EPHB1: variants seen among roughly 807,000 people sequenced by gnomAD.
The protein encoded by EPHB1 is EPH receptor B1.
EPHB1 carries 30 observed loss-of-function variants against 94.4 expected under a neutral mutation model. The observed-to-expected ratio is 0.32, with a 90% CI of 0.24 to 0.43. The LOEUF is 0.43. EPHB1 is among the 20% of genes least tolerant of loss of function. The probability of loss-of-function intolerance (pLI) is 1.00; values close to 1 mark genes in which losing one functional copy is unlikely to be tolerated. For missense variants in EPHB1, 1,055 were observed against 1,308.3 expected, an observed-to-expected ratio of 0.81 and a Z score of 2.99; for synonymous variants, 522 against 489.1, an observed-to-expected ratio of 1.07 and a Z score of -0.89.
intron 12 of EPHB1, among the ~76,000 whole-genome samples, chr3:135,212,750 C>T (rs2107716723): frequency 6.6e-6 from 1 of 152,206 alleles, no homozygotes; most frequent in East Asian, 1.9e-4. Context: ...ACTATGGCTG[C>T]CCTTAGGGAA....
chr3:135,245,643 T>C (rs1361855656), intron 13 of EPHB1, among the ~76,000 whole-genome samples: 1 of 150,946 alleles, frequency 6.6e-6, no homozygotes, highest in Non-Finnish European at 1.5e-5. Flanking sequence ...CTGTCTCTAC[T>C]AAAAATACAA....
At chr3:135,178,409 TCACAC>T (rs200798556) in intron 9 of EPHB1, among the ~76,000 whole-genome samples, 2,311 of 135,914 alleles carry the variant, frequency 0.017, 25 homozygotes, top group Middle Eastern at 0.049. Flanking sequence ...TGAGCCGAGA[TCACAC>T]CACACCACTG....
chr3:134,815,577 G>T (rs888675166), intron 1 of EPHB1, among the ~76,000 whole-genome samples: 1 of 152,098 alleles, frequency 6.6e-6, no homozygotes, highest in African/African-American at 2.4e-5. Context: ...TTGTGTGATT[G>T]CTATTTCTTT....
chr3:135,086,962 A>G (rs1393236695), intron 3 of EPHB1, among the ~76,000 whole-genome samples: 1 of 152,210 alleles, frequency 6.6e-6, no homozygotes, highest in African/African-American at 2.4e-5. Flanking sequence ...TTGCTTATGT[A>G]AGTCACTCAA....
chr3:135,113,116 A>G lies in EPHB1; in HGVS notation c.961+6513A>G, dbSNP rs940640. Among the ~76,000 whole-genome samples the G allele has an allele frequency of 3.5e-3, 533 of 152,328 alleles. 5 individuals are homozygous for G. The highest frequency in any genetic ancestry group is 0.012 in the African/African-American group (506 of 41,576). On this transcript the variant is annotated intron_variant, in intron 4 of 15. Transcript: ENST00000398015. ...AACTTCAGACAAAGGTCAAAGATCA[A>G]TAAGAGTCAGAGGGCAGGCCTAGAT... is the stretch of plus-strand genomic sequence containing the variant.
chr3:135,024,573 C>G (rs1936083783), intron 3 of EPHB1, among the ~76,000 whole-genome samples: 1 of 152,192 alleles, frequency 6.6e-6, no homozygotes, highest in Admixed American at 6.5e-5. Context: ...TGGTCTCCAT[C>G]CATCCTACAC....
chr3:135,203,362 A>G (rs1183394462), intron 12 of EPHB1, among the ~76,000 whole-genome samples: 1 of 152,210 alleles, frequency 6.6e-6, no homozygotes, highest in South Asian at 2.1e-4. Context: ...ATGTATACCT[A>G]TGAAACAAAC....
Position 134,795,374 on chromosome 3 carries a change from A to T in EPHB1, c.-258A>T. Reference sequence around the variant, plus strand: ...CGTTCTCCCTCGCCCTCTCTCTCTCACACACGCACGCACACACCCACCTCT... The same window carrying T: ...CGTTCTCCCTCGCCCTCTCTCTCTCTCACACGCACGCACACACCCACCTCT... On this transcript the variant is annotated 5_prime_UTR_variant, in exon 1 of 16. Transcript: ENST00000398015. 2.0e-6 allele frequency: 1 copy of T among 509,068 alleles called. No homozygotes were observed. Among genetic ancestry groups the T allele is most frequent in the Non-Finnish European group, 3.4e-6 (1 of 291,348 alleles). 31.5% of individuals were successfully genotyped at this position (509,068 alleles called of 1,614,324 possible). A position where few individuals can be genotyped will look rare whatever the true frequency, so the allele number is the denominator to read the frequency against.
At position 135,078,381 on chromosome 3, in the gene EPHB1, C is replaced by T. The variant is rs546273106; in HGVS notation, c.806-28067C>T. Among the ~76,000 whole-genome samples, 3 of 152,308 alleles carry T rather than the reference C, an allele frequency of 2.0e-5. No individual in the cohort carries two copies. In the East Asian group the frequency reaches 5.8e-4, roughly 29 times the overall value. ...GAGAGGAACCATGCTGGGCAGGGCA[C>T]CCCAAGCCCAAACCCCAGCCCCAGA... On this transcript the variant is annotated intron_variant, in intron 3 of 15. Transcript: ENST00000398015.
chr3:135,118,777 G>A lies in EPHB1; in HGVS notation c.961+12174G>A, dbSNP rs1939817971. On this transcript the variant is annotated intron_variant, in intron 4 of 15. Transcript: ENST00000398015. Reference sequence around the variant, plus strand: ...GAAGAGAACAGAATTGCACAGGGAGGCCCTAGCAACCCCTACCGAGTATAC... The same window carrying A: ...GAAGAGAACAGAATTGCACAGGGAGACCCTAGCAACCCCTACCGAGTATAC... Among the ~76,000 whole-genome samples the A allele has an allele frequency of 4.6e-5, 7 of 152,172 alleles. No individual in the cohort carries two copies. In the South Asian group the frequency reaches 1.5e-3, roughly 32 times the overall value.
At chr3:134,997,030 T>C (rs1485866108) in intron 3 of EPHB1, among the ~76,000 whole-genome samples, 1 of 152,208 alleles carries the variant, frequency 6.6e-6, no homozygotes. Flanking sequence ...AATGGTCATC[T>C]GTGTTTTATC....
chr3:135,257,739 A>G (rs1364342098), intron 15 of EPHB1, among the ~76,000 whole-genome samples: 2 of 137,426 alleles, frequency 1.5e-5, no homozygotes, highest in Non-Finnish European at 3.2e-5. Context: ...GCTGGGCTCC[A>G]CCCAGTTCGA....
chr3:135,239,348 G>A (rs764950272), intron 12 of EPHB1, among the ~76,000 whole-genome samples: 5 of 151,706 alleles, frequency 3.3e-5, no homozygotes, highest in Non-Finnish European at 7.4e-5. Flanking sequence ...TTTTGCTAAC[G>A]TCAACCATGT....
chr3:134,828,372 G>GA (rs1190113908), intron 1 of EPHB1, among the ~76,000 whole-genome samples: 5 of 152,268 alleles, frequency 3.3e-5, no homozygotes, highest in Admixed American at 2.0e-4. Flanking sequence ...AGTGGGATGA[G>GA]AAAAAATGGA....
At chr3:135,112,751 G>C (rs1306276894) in intron 4 of EPHB1, among the ~76,000 whole-genome samples, 2 of 151,834 alleles carry the variant, frequency 1.3e-5, no homozygotes, top group Non-Finnish European at 2.9e-5. Flanking sequence ...AGTATTCCAT[G>C]GTGTATATGT....
chr3:135,007,889 C>G (rs1935480828), intron 3 of EPHB1, among the ~76,000 whole-genome samples: 1 of 152,154 alleles, frequency 6.6e-6, no homozygotes, highest in Non-Finnish European at 1.5e-5. Flanking sequence ...AGGGCAGCAC[C>G]AGGCGATGAC....
chr3:135,088,279 G>A (rs1938432291), intron 3 of EPHB1, among the ~76,000 whole-genome samples: 1 of 152,286 alleles, frequency 6.6e-6, no homozygotes, highest in Non-Finnish European at 1.5e-5. Flanking sequence ...GACAGACCTG[G>A]TGGTGAATTA....
intron 12 of EPHB1, among the ~76,000 whole-genome samples, chr3:135,239,698 C>A (rs1236175371): frequency 6.6e-6 from 1 of 152,198 alleles, no homozygotes; most frequent in Admixed American, 6.5e-5. Flanking sequence ...ACAGGCCATG[C>A]CAGCTGTCTG....
Position 135,065,374 on chromosome 3 carries a change from T to A in EPHB1, c.806-41074T>A, listed in dbSNP as rs528385803. On this transcript the variant is annotated intron_variant, in intron 3 of 15. Transcript: ENST00000398015. ...GGTCTATTAGTAATTGTTTTATAAA[T>A]TTGGAAGCTCCAGTGTTAGGTGCAT... Among the ~76,000 whole-genome samples, 14 of 152,336 alleles carry A rather than the reference T, an allele frequency of 9.2e-5. No homozygotes were observed. The South Asian group carries it at 2.9e-3, about 32-fold the overall frequency.
Sources: gnomAD v4.1 joint callset for allele counts (sites outside exome capture counted in the v4.1 genomes callset) on GRCh38, gnomAD v4.1.1 for gene constraint, MANE v1.5 for transcripts, NCBI Gene and HGNC (gene_info 2026-07-23, HGNC 2026-07-21) for gene names.